GASK1A: variants seen among roughly 807,000 people sequenced by gnomAD.
GASK1A encodes Golgi-associated kinase 1A.
A neutral mutation model predicts 41.2 loss-of-function variants in GASK1A; 40 were observed. The observed-to-expected ratio is 0.97, with a 90% CI of 0.75 to 1.27. The LOEUF (loss-of-function observed/expected upper bound fraction) is 1.27, where lower values mean the gene tolerates loss of function less well. Among genes scored for constraint, GASK1A ranks in the 50% most tolerant of loss-of-function variants. The pLI, the probability that GASK1A is intolerant of heterozygous loss-of-function variation, is 0.00. For synonymous variants in GASK1A, 316 were observed against 307.1 expected, an observed-to-expected ratio of 1.03 and a Z score of -0.30; for missense variants, 678 against 745.1, an observed-to-expected ratio of 0.91 and a Z score of 1.05.
chr3:43,039,507 T>C (rs1205531257), intron 2 of GASK1A, among the ~76,000 whole-genome samples: 2 of 152,162 alleles, frequency 1.3e-5, no homozygotes, highest in Non-Finnish European at 2.9e-5. Context: ...CTAGCCTAGG[T>C]AGGTTTTATT....
intron 1 of GASK1A, among the ~76,000 whole-genome samples, chr3:43,023,557 A>G (rs1274656143): frequency 2.0e-5 from 3 of 152,180 alleles, no homozygotes; most frequent in Non-Finnish European, 4.4e-5. Flanking sequence ...TGGGGAGGAG[A>G]AGGAGATGTT....
intron 1 of GASK1A, among the ~76,000 whole-genome samples, chr3:43,023,919 G>C (rs2089533595): frequency 6.6e-6 from 1 of 152,184 alleles, no homozygotes; most frequent in Admixed American, 6.5e-5. Flanking sequence ...TCCTGGCACA[G>C]CAGGCAAGAA....
At chr3:43,038,919 T>C (rs906068598) in intron 2 of GASK1A, among the ~76,000 whole-genome samples, 5 of 152,158 alleles carry the variant, frequency 3.3e-5, no homozygotes, top group African/African-American at 4.8e-5. Flanking sequence ...GCTGTTGGGT[T>C]TGATTGACTG....
chr3:43,026,179 T>C (rs571663624), intron 1 of GASK1A, among the ~76,000 whole-genome samples: 1 of 152,132 alleles, frequency 6.6e-6, no homozygotes, highest in African/African-American at 2.4e-5. Context: ...AGCTGGACTA[T>C]TGGGATTAGA....
In GASK1A at chr3:43,032,614, G is replaced by A. The variant is rs1485162042; in HGVS notation, c.351G>A (p.Arg117=). The A allele has an allele frequency of 1.3e-6, 2 of 1,551,708 alleles. No individual in the cohort carries two copies. The highest frequency in any genetic ancestry group is 1.2e-5 in the South Asian group (1 of 84,060). Residue 117 remains arginine, a synonymous_variant, in exon 2 of 5, where the codon AGG becomes AGA. Coordinates refer to ENST00000430121, the MANE Select transcript of GASK1A (RefSeq NM_001129908.3). The part of the protein sequence containing the change: ...SPGGDLRHPG[R]VRRDITLSGH... Reference sequence around the variant, plus strand: ...GAGGGGACCTCAGGCATCCAGGGAGGGTGAGGAGGGACATTACTTTGTCAG... The same window carrying A: ...GAGGGGACCTCAGGCATCCAGGGAGAGTGAGGAGGGACATTACTTTGTCAG...
chr3:42,988,885 G>A (rs2089326587), intron 1 of GASK1A, among the ~76,000 whole-genome samples: 1 of 152,214 alleles, frequency 6.6e-6, no homozygotes, highest in African/African-American at 2.4e-5. Context: ...GGTTCCACTG[G>A]CCAGTCTTGC....
chr3:43,025,836 T>C (rs2089544631), intron 1 of GASK1A, among the ~76,000 whole-genome samples: 1 of 152,186 alleles, frequency 6.6e-6, no homozygotes, highest in Non-Finnish European at 1.5e-5. Flanking sequence ...CACGGCAGCA[T>C]AAACTCTGCA....
At chr3:42,979,668 C>G in intron 1 of GASK1A, 23 bp downstream of exon 1, 1 of 1,245,950 alleles carries the variant, frequency 8.0e-7, no homozygotes, top group Non-Finnish European at 1.0e-6. Context: ...GGAAGGAACG[C>G]GCGAGCGGAG....
At position 43,050,070 on chromosome 3, in the gene GASK1A, T is replaced by C. The variant is rs1041415081; in HGVS notation, c.1291-3451T>C. Among the ~76,000 whole-genome samples the C allele has an allele frequency of 4.0e-5, 6 of 151,708 alleles. No individual in the cohort carries two copies. The South Asian group carries it at 6.2e-4, about 16-fold the overall frequency. On this transcript the variant is annotated intron_variant, in intron 2 of 4. Coordinates refer to ENST00000430121, the MANE Select transcript of GASK1A (RefSeq NM_001129908.3). ...GAAGTCCAGAACAAAAAAAAATACA[T>C]TTATACTGTCTTTTATGTTTATCTA... is the stretch of plus-strand genomic sequence containing the variant.
chr3:42,992,231 T>C (rs1049494122), intron 1 of GASK1A, among the ~76,000 whole-genome samples: 5 of 152,118 alleles, frequency 3.3e-5, no homozygotes, highest in African/African-American at 1.2e-4. Flanking sequence ...TGTCGTAATA[T>C]CTTACTCGGT....
In GASK1A at chr3:42,979,646, G is replaced by A. The variant is rs934366403; in HGVS notation, c.3+1G>A. The A allele has an allele frequency of 2.9e-5, 36 of 1,245,344 alleles. No individual in the cohort carries two copies. The highest frequency in any genetic ancestry group is 3.5e-5 in the Non-Finnish European group (35 of 987,726). The allele number at this position is 1,245,344 out of a possible 1,614,324, so 77.1% of individuals were successfully genotyped here. A position where few individuals can be genotyped will look rare whatever the true frequency, so the allele number is the denominator to read the frequency against. Reference sequence around the variant, plus strand: ...CGGCCGGGGCACCGCCGGGGACATGGTAGGACTCGCGGGAAGGAACGCGCG... The same window carrying A: ...CGGCCGGGGCACCGCCGGGGACATGATAGGACTCGCGGGAAGGAACGCGCG... On this transcript the variant is annotated splice_donor_variant, in intron 1 of 4. Coordinates refer to ENST00000430121, the MANE Select transcript of GASK1A (RefSeq NM_001129908.3). LOFTEE classifies it high-confidence loss of function.
intron 2 of GASK1A, among the ~76,000 whole-genome samples, chr3:43,039,394 G>C (rs947703538): frequency 6.6e-6 from 1 of 151,962 alleles, no homozygotes; most frequent in Non-Finnish European, 1.5e-5. Flanking sequence ...GTAGAGACAC[G>C]GTTTTGCCAT....
rs537531948 is a variant in GASK1A at position 43,025,718 on chromosome 3, C to T, written c.4-6549C>T. On this transcript the variant is annotated intron_variant, in intron 1 of 4. Transcript: ENST00000430121. ...GTTTGGGTGCTGTGGCTCCTGAGCA[C>T]GGAAGTTGGAAAAAGGTCGTTGCTC... is the stretch of plus-strand genomic sequence containing the variant. 1.2e-4 allele frequency among the ~76,000 whole-genome samples: 19 copies of T among 152,188 alleles called. No homozygotes were observed. In the South Asian group the frequency reaches 1.9e-3, roughly 15 times the overall value.
At chr3:43,020,377 C>G (rs1056912036) in intron 1 of GASK1A, among the ~76,000 whole-genome samples, 6 of 152,334 alleles carry the variant, frequency 3.9e-5, no homozygotes, top group South Asian at 4.1e-4. Context: ...AAGGCTCCCT[C>G]CATACCATCT....
intron 1 of GASK1A, among the ~76,000 whole-genome samples, chr3:42,996,995 G>A (rs1218696151): frequency 1.3e-5 from 2 of 152,220 alleles, no homozygotes; most frequent in Admixed American, 1.3e-4. Flanking sequence ...ATGTGCTAAG[G>A]GCCCTGTGCA....
chr3:43,004,777 C>T (rs9821320), intron 1 of GASK1A, among the ~76,000 whole-genome samples: 56,136 of 152,062 alleles, frequency 0.37, 10,782 homozygotes, highest in Non-Finnish European at 0.43. Context: ...TTAAAACCTA[C>T]TCACAGATGT....
chr3:42,990,376 G>A (rs1044033742), intron 1 of GASK1A, among the ~76,000 whole-genome samples: 1 of 150,214 alleles, frequency 6.7e-6, no homozygotes, highest in Non-Finnish European at 1.5e-5. Flanking sequence ...GGGTCCCTAT[G>A]CATACACCCT....
intron 2 of GASK1A, among the ~76,000 whole-genome samples, chr3:43,038,206 C>G (rs149111289): frequency 2.0e-5 from 3 of 152,184 alleles, no homozygotes; most frequent in Non-Finnish European, 4.4e-5. Context: ...GGTTTTGAAT[C>G]GGATGTAGAC....
rs1231503006 is a variant in GASK1A, at chr3:43,053,503, G to T, written c.1291-18G>T. Reference sequence around the variant, plus strand: ...AGGCCCCCTGCCGCACCCCACCGAAGGCTGGGTGTCTCCACAGGTCCACGA... The same window carrying T: ...AGGCCCCCTGCCGCACCCCACCGAATGCTGGGTGTCTCCACAGGTCCACGA... On this transcript the variant is annotated intron_variant, in intron 2 of 4. Transcript: ENST00000430121. 3.9e-6 allele frequency: 6 copies of T among 1,527,240 alleles called. No homozygotes were observed. The Admixed American group carries it at 1.2e-4, about 31-fold the overall frequency. The allele number at this position is 1,527,240 out of a possible 1,614,324, so 94.6% of individuals were successfully genotyped here. A position where few individuals can be genotyped will look rare whatever the true frequency, so the allele number is the denominator to read the frequency against.
Sources: gnomAD v4.1 joint callset for allele counts (sites outside exome capture counted in the v4.1 genomes callset) on GRCh38, gnomAD v4.1.1 for gene constraint, MANE v1.5 for transcripts, NCBI Gene and HGNC (gene_info 2026-07-23, HGNC 2026-07-21) for gene names.